The following RYR2 variants were observed in gnomAD, a reference collection of about 807,000 sequenced individuals.
RYR2 encodes ryanodine receptor 2.
A neutral mutation model predicts 601.1 loss-of-function variants in RYR2; 227 were observed. That is an observed-to-expected ratio of 0.38 (90% confidence interval 0.34 to 0.42). The LOEUF (loss-of-function observed/expected upper bound fraction) is 0.42, where lower values mean the gene tolerates loss of function less well. RYR2 is among the 10% of genes least tolerant of loss of function. RYR2 has a pLI of 1.00. For missense variants in RYR2, 4,646 were observed against 6,156.5 expected, an observed-to-expected ratio of 0.75 and a Z score of 8.21; for synonymous variants, 2,223 against 2,175.1, an observed-to-expected ratio of 1.02 and a Z score of -0.61.
chr1:237,692,034 G>C (rs1573540608), intron 63 of RYR2, among the ~76,000 whole-genome samples: 1 of 152,260 alleles, frequency 6.6e-6, no homozygotes, highest in East Asian at 1.9e-4. Context: ...ATTACAGTCT[G>C]TTAGAATCTT....
At chr1:237,144,952 A>T (rs1419608427) in intron 1 of RYR2, among the ~76,000 whole-genome samples, 2 of 151,968 alleles carry the variant, frequency 1.3e-5, no homozygotes, top group African/African-American at 2.4e-5. Flanking sequence ...TGCTTGTACC[A>T]CTATACATGA....
chr1:237,455,392 GAA>G (rs922349154), intron 15 of RYR2, among the ~76,000 whole-genome samples: 3 of 151,934 alleles, frequency 2.0e-5, no homozygotes, highest in African/African-American at 7.3e-5. Flanking sequence ...ACAAAGAGGG[GAA>G]CAATAAATAC....
intron 14 of RYR2, among the ~76,000 whole-genome samples, chr1:237,448,169 C>T (rs1657620105): frequency 6.6e-6 from 1 of 152,078 alleles, no homozygotes; most frequent in South Asian, 2.1e-4. Context: ...TCAAGTGATC[C>T]ACCCACCTCG....
Position 237,503,376 on chromosome 1 carries a change from A to G in RYR2, c.2484A>G (p.Pro828=), listed in dbSNP as rs1323860626. 2 of 1,613,868 alleles carry G rather than the reference A, an allele frequency of 1.2e-6. No individual in the cohort carries two copies. The highest frequency in any genetic ancestry group is 1.3e-5 in the African/African-American group (1 of 74,912). The change falls in exon 22 of 105, where the codon CCA becomes CCG. Residue 828 remains proline (P), a synonymous_variant. Coordinates refer to ENST00000366574, the MANE Select transcript of RYR2 (RefSeq NM_001035.3). ...CTCCTTGTTATGAAGCTGTTCTGCC[A>G]AAAGAAAAGTTGAAAGTGGAACACA... ...GYAPCYEAVL[P]KEKLKVEHSR...
intron 56 of RYR2, among the ~76,000 whole-genome samples, chr1:237,664,115 G>A (rs995907599): frequency 6.6e-6 from 1 of 152,116 alleles, no homozygotes; most frequent in Non-Finnish European, 1.5e-5. Flanking sequence ...CTGTTTTTCA[G>A]TACTACACAT....
At chr1:237,594,905 T>TTTTG (rs1675686561) in intron 33 of RYR2, among the ~76,000 whole-genome samples, 1 of 50,070 alleles carries the variant, frequency 2.0e-5, no homozygotes, top group African/African-American at 4.5e-5. Context: ...TTTTTTTTTT[T>TTTTG]TTTTTTTTTT....
chr1:237,729,068 C>G (rs145835733), intron 76 of RYR2, among the ~76,000 whole-genome samples: 2 of 152,242 alleles, frequency 1.3e-5, no homozygotes, highest in Non-Finnish European at 2.9e-5. Context: ...CATTCCCATC[C>G]TTCCCTCCAT....
chr1:237,725,750 G>C (rs1690139953), intron 74 of RYR2, among the ~76,000 whole-genome samples: 1 of 151,996 alleles, frequency 6.6e-6, no homozygotes, highest in Admixed American at 6.6e-5. Context: ...GTAATAAAAT[G>C]CCTGCCAAAT....
At chr1:237,662,365 A>T (rs760032381) in intron 56 of RYR2, among the ~76,000 whole-genome samples, 3 of 152,108 alleles carry the variant, frequency 2.0e-5, no homozygotes, top group Non-Finnish European at 4.4e-5. Flanking sequence ...TAGCAAGACA[A>T]TTCTAATCCT....
intron 1 of RYR2, among the ~76,000 whole-genome samples, chr1:237,205,766 C>T (rs1053004091): frequency 3.9e-5 from 6 of 152,200 alleles, no homozygotes. Flanking sequence ...CGGCTGGAGA[C>T]GGAGGTCCTG....
chr1:237,700,204 G>C (rs371107980), intron 64 of RYR2, 25 bp from the exon 65 acceptor site: 1 of 1,285,988 alleles, frequency 7.8e-7, no homozygotes, highest in Non-Finnish European at 1.1e-6. Context: ...TGGAAGATAC[G>C]AGTCCTCCCT....
In RYR2 at chr1:237,817,765, A is replaced by G. The variant is rs1661995774; in HGVS notation, c.14434-1271A>G. Among the ~76,000 whole-genome samples the G allele has an allele frequency of 2.6e-5, 4 of 152,314 alleles. No homozygotes were observed. The South Asian group carries it at 8.3e-4, about 32-fold the overall frequency. ...GATTTGGCAAAGGAGACTGGAAAGC[A>G]ATGGCCAGAAATGAAGCGAAGCAGA... On this transcript the variant is annotated intron_variant, in intron 100 of 104. Transcript: ENST00000366574.
At chr1:237,431,149 G>C (rs1369102897) in intron 12 of RYR2, among the ~76,000 whole-genome samples, 2 of 152,148 alleles carry the variant, frequency 1.3e-5, no homozygotes, top group Non-Finnish European at 2.9e-5. Context: ...GTGGTTGAAG[G>C]CAGTGAAAGT....
chr1:237,180,697 TAA>T lies in RYR2; in HGVS notation c.49-89799_49-89798del. Among the ~76,000 whole-genome samples the T allele has an allele frequency of 6.8e-6, 1 of 147,630 alleles. No individual in the cohort carries two copies. The highest frequency in any genetic ancestry group is 6.8e-5 in the Admixed American group (1 of 14,660). On this transcript the variant is annotated intron_variant, in intron 1 of 104. Transcript: ENST00000366574. This position sits in a 1 kb window ranked among gnomAD's most constrained non-coding sequence, Gnocchi z 5.3. Reference sequence around the variant, plus strand: ...GTATATATGTGTATATATGTATATATAAGTATATATACACATATATACATATA... The same window carrying T: ...GTATATATGTGTATATATGTATATATGTATATATACACATATATACATATA...
intron 48 of RYR2, among the ~76,000 whole-genome samples, chr1:237,647,012 A>T (rs1682234631): frequency 6.6e-6 from 1 of 152,220 alleles, no homozygotes; most frequent in Non-Finnish European, 1.5e-5. Flanking sequence ...ATAGAGCAGG[A>T]TCGGTGAGCT....
chr1:237,222,196 C>T (rs879695290), intron 1 of RYR2, among the ~76,000 whole-genome samples: 6 of 152,156 alleles, frequency 3.9e-5, no homozygotes, highest in South Asian at 2.1e-4. Context: ...GGGCGGATCA[C>T]GAGGTCAGGA....
intron 35 of RYR2, among the ~76,000 whole-genome samples, chr1:237,603,574 A>G (rs1284306105): frequency 9.9e-5 from 15 of 152,116 alleles, no homozygotes; most frequent in Non-Finnish European, 1.5e-5. Context: ...TTCACACATA[A>G]CAATATTAAC....
At position 237,741,180 on chromosome 1, in the gene RYR2, G is replaced by A. The variant is rs531967774; in HGVS notation, c.11092-1116G>A. Among the ~76,000 whole-genome samples, 113 of 152,122 alleles carry A rather than the reference G, an allele frequency of 7.4e-4. No homozygotes were observed. The South Asian group carries it at 8.1e-3, about 11-fold the overall frequency. On this transcript the variant is annotated intron_variant, in intron 79 of 104. Coordinates refer to ENST00000366574, the MANE Select transcript of RYR2 (RefSeq NM_001035.3). The stretch of plus-strand genomic sequence containing the variant: ...GTGCCTATCATTATAAACAGAAAGC[G>A]TGGTGCTATCATGATAAACAGAAAG...
At chr1:237,384,543 A>G (rs2149830014) in intron 8 of RYR2, among the ~76,000 whole-genome samples, 1 of 152,334 alleles carries the variant, frequency 6.6e-6, no homozygotes, top group East Asian at 1.9e-4. Flanking sequence ...GGCCCAGCCC[A>G]CTTCTGATAG....
Sources: allele counts gnomAD v4.1 joint callset (sites outside exome capture counted in the v4.1 genomes callset), GRCh38; gene constraint gnomAD v4.1.1; non-coding constraint Gnocchi (gnomAD v3.1); transcripts MANE v1.5; gene names NCBI Gene and HGNC (gene_info 2026-07-23, HGNC 2026-07-21).